MSI2: variants seen among roughly 807,000 people sequenced by gnomAD.
MSI2 encodes musashi RNA binding protein 2.
In MSI2, 17 loss-of-function variants were observed where a neutral mutation model predicts 45.6. The ratio of observed to expected loss-of-function variants is 0.37; its 90% CI spans 0.26 to 0.56. The LOEUF (loss-of-function observed/expected upper bound fraction) is 0.56. MSI2 is among the 20% of genes least tolerant of loss of function. MSI2 has a pLI of 0.77. For missense variants in MSI2, 293 were observed against 444.2 expected (o/e 0.66, Z 3.06); for synonymous variants, 156 against 158.2 (o/e 0.99, Z 0.11).
chr17:57,386,340 T>A (rs8073889), intron 5 of MSI2, among the ~76,000 whole-genome samples: 3 of 151,862 alleles, frequency 2.0e-5, no homozygotes, highest in African/African-American at 7.3e-5. Context: ...TTCTTAGTGC[T>A]TGTGCCCAGT....
At chr17:57,379,491 T>G (rs1444025786) in intron 5 of MSI2, among the ~76,000 whole-genome samples, 1 of 151,868 alleles carries the variant, frequency 6.6e-6, no homozygotes, top group Non-Finnish European at 1.5e-5. Context: ...CTTTTTTTTT[T>G]TTTTTGCTTT....
At chr17:57,257,164 G>T in intron 2 of MSI2, 26 bp downstream of exon 2, 1 of 1,495,266 alleles carries the variant, frequency 6.7e-7, no homozygotes, top group South Asian at 1.2e-5. Flanking sequence ...GGGGACGCCT[G>T]GGTCCCCCCC....
chr17:57,353,242 A>G (rs1916165150), intron 5 of MSI2, among the ~76,000 whole-genome samples: 1 of 152,184 alleles, frequency 6.6e-6, no homozygotes, highest in South Asian at 2.1e-4. Flanking sequence ...TCGGAGTTGT[A>G]CTGACCAAAT....
At chr17:57,387,551 G>A (rs1015223808) in intron 5 of MSI2, among the ~76,000 whole-genome samples, 2 of 152,212 alleles carry the variant, frequency 1.3e-5, no homozygotes, top group Non-Finnish European at 2.9e-5. Flanking sequence ...GGTTAAGGCA[G>A]ATAAAGACAC....
chr17:57,398,129 T>G (rs1333839190), intron 5 of MSI2, among the ~76,000 whole-genome samples: 1 of 152,204 alleles, frequency 6.6e-6, no homozygotes, highest in Non-Finnish European at 1.5e-5. Context: ...TATGAAGAGA[T>G]ATTTTCATTT....
intron 6 of MSI2, among the ~76,000 whole-genome samples, chr17:57,458,033 A>G (rs113915293): frequency 0.039 from 5,932 of 152,168 alleles, 352 homozygotes; most frequent in African/African-American, 0.13. Context: ...AATAGATATC[A>G]GATACCATAT....
intron 5 of MSI2, among the ~76,000 whole-genome samples, chr17:57,344,184 C>T (rs532394353): frequency 2.0e-5 from 3 of 152,196 alleles, no homozygotes; most frequent in Non-Finnish European, 4.4e-5. Context: ...CCTACATCCC[C>T]TCTTTATTTA....
At chr17:57,276,952 G>C (rs1363265847) in intron 5 of MSI2, among the ~76,000 whole-genome samples, 4 of 152,264 alleles carry the variant, frequency 2.6e-5, no homozygotes, top group African/African-American at 7.2e-5. Context: ...TGCATAGTCA[G>C]GGGAAAGGAG....
chr17:57,277,374 A>G (rs1279173471), intron 5 of MSI2, among the ~76,000 whole-genome samples: 3 of 152,050 alleles, frequency 2.0e-5, no homozygotes, highest in Non-Finnish European at 2.9e-5. Context: ...TCTTTTTGAC[A>G]GGGTGGTTTG....
chr17:57,436,653 G>A (rs968078457), intron 6 of MSI2, among the ~76,000 whole-genome samples: 5 of 152,230 alleles, frequency 3.3e-5, no homozygotes, highest in Admixed American at 2.6e-4. Flanking sequence ...AGGCAGGGGG[G>A]TGAGAGCAGG....
chr17:57,485,238 C>T (rs1204258638), intron 6 of MSI2, among the ~76,000 whole-genome samples: 1 of 152,226 alleles, frequency 6.6e-6, no homozygotes, highest in Non-Finnish European at 1.5e-5. Context: ...ACAGGCCACA[C>T]TGTTGCTTTT....
intron 7 of MSI2, among the ~76,000 whole-genome samples, chr17:57,577,929 C>T (rs2088093666): frequency 6.6e-6 from 1 of 152,192 alleles, no homozygotes; most frequent in Admixed American, 6.5e-5. Context: ...CTCTTTCCTC[C>T]CCCACACCAC....
At chr17:57,340,396 A>G (rs1915034231) in intron 5 of MSI2, among the ~76,000 whole-genome samples, 1 of 152,238 alleles carries the variant, frequency 6.6e-6, no homozygotes, top group African/African-American at 2.4e-5. Context: ...GTACAGTGTC[A>G]ACACTGCAGG....
At chr17:57,450,254 T>G (rs75875422) in intron 6 of MSI2, 1 of 98,750 alleles carries the variant, frequency 1.0e-5, no homozygotes, top group Non-Finnish European at 1.9e-5. Flanking sequence ...ATTCCCCAGC[T>G]TAAAGAAAGA....
At chr17:57,643,886 G>A (rs1256798967) in intron 10 of MSI2, among the ~76,000 whole-genome samples, 5 of 152,156 alleles carry the variant, frequency 3.3e-5, no homozygotes, top group Admixed American at 1.3e-4. Flanking sequence ...TCTCCTTTAG[G>A]CAACAGGACC....
chr17:57,342,936 G>A (rs1179531759), intron 5 of MSI2, among the ~76,000 whole-genome samples: 1 of 152,126 alleles, frequency 6.6e-6, no homozygotes, highest in Non-Finnish European at 1.5e-5. Context: ...TGGGGATTGT[G>A]TTTAAGCAAA....
intron 7 of MSI2, among the ~76,000 whole-genome samples, chr17:57,544,954 C>T (rs1223336184): frequency 6.6e-6 from 1 of 152,182 alleles, no homozygotes; most frequent in Non-Finnish European, 1.5e-5. Flanking sequence ...ATTTACTGTG[C>T]TGTTCTTATC....
chr17:57,583,863 T>G (rs2088274105), intron 7 of MSI2, among the ~76,000 whole-genome samples: 1 of 152,220 alleles, frequency 6.6e-6, no homozygotes, highest in South Asian at 2.1e-4. Flanking sequence ...ATTCTGAGGA[T>G]GGGACCTGGA....
intron 5 of MSI2, among the ~76,000 whole-genome samples, chr17:57,292,649 A>G (rs2143474475): frequency 6.6e-6 from 1 of 152,314 alleles, no homozygotes; most frequent in East Asian, 1.9e-4. Context: ...CCAGGTCCCC[A>G]AAGGATGCTG....
Sources: gnomAD v4.1 joint callset for allele counts (sites outside exome capture counted in the v4.1 genomes callset) on GRCh38, gnomAD v4.1.1 for gene constraint, MANE v1.5 for transcripts, NCBI Gene and HGNC (gene_info 2026-07-23, HGNC 2026-07-21) for gene names.